Variants in PER2 observed in about 807,000 individuals in gnomAD.
PER2 encodes period circadian regulator 2, also known as period circadian protein homolog 2.
PER2 carries 66 observed loss-of-function variants against 121.0 expected under a neutral mutation model. That is an observed-to-expected ratio of 0.55 (90% CI 0.45 to 0.67). The LOEUF (loss-of-function observed/expected upper bound fraction) is 0.67, where lower values mean the gene tolerates loss of function less well. PER2 is among the 30% of genes least tolerant of loss of function. PER2 has a pLI of 0.00. For synonymous variants in PER2, 684 were observed against 659.9 expected (o/e 1.04, Z -0.56); for missense variants, 1,521 against 1,635.0 (o/e 0.93, Z 1.20).
At chr2:238,264,984 G>A (rs1696049342) in intron 9 of PER2, among the ~76,000 whole-genome samples, 1 of 152,188 alleles carries the variant, frequency 6.6e-6, no homozygotes, top group Non-Finnish European at 1.5e-5. Flanking sequence ...GGAGGAGCTG[G>A]GAGAAGATGC....
intron 17 of PER2, among the ~76,000 whole-genome samples, chr2:238,256,293 C>T (rs1481818452): frequency 6.6e-6 from 1 of 152,188 alleles, no homozygotes; most frequent in East Asian, 1.9e-4. Context: ...AGATGGGACC[C>T]TATGGGCCCA....
upstream of PER2, among the ~76,000 whole-genome samples, chr2:238,291,401 C>T (rs1696948011): frequency 6.6e-6 from 1 of 152,244 alleles, no homozygotes; most frequent in African/African-American, 2.4e-5. Flanking sequence ...CACTCATGCA[C>T]CCAGCCAATT....
chr2:238,283,574 C>A (rs1171942826), intron 1 of PER2, among the ~76,000 whole-genome samples: 1 of 152,204 alleles, frequency 6.6e-6, no homozygotes, highest in Non-Finnish European at 1.5e-5. Flanking sequence ...TGGAGCAGAG[C>A]GGGCAGCGGT....
chr2:238,264,359 C>T (rs965721514), intron 9 of PER2, among the ~76,000 whole-genome samples: 2 of 152,238 alleles, frequency 1.3e-5, no homozygotes, highest in Non-Finnish European at 2.9e-5. Flanking sequence ...GGCAGCCCCG[C>T]GGACACACCT....
At chr2:238,296,657 G>T in the PER2 span, among the ~76,000 whole-genome samples, 1 of 138,550 alleles carries the variant, frequency 7.2e-6, no homozygotes, top group Admixed American at 7.4e-5. Flanking sequence ...CCCTCCTGCT[G>T]CAGAGTCAGT....
At chr2:238,254,654 A>G (rs1262415406) in intron 18 of PER2, 1 of 152,356 alleles carries the variant, frequency 6.6e-6, no homozygotes, top group East Asian at 1.9e-4. Flanking sequence ...TAGTCTGTGC[A>G]CTGCATAAGG....
rs1236010880 is a variant in PER2, at chr2:238,252,780, T to G, written c.3111+132A>C. On this transcript the variant is annotated intron_variant, in intron 19 of 22. Transcript: ENST00000254657. This position sits in a 1 kb window ranked among gnomAD's most constrained non-coding sequence, Gnocchi z 4.2. ...CATGAATTTCTGGCACACACATTCA[T>G]GGCAAAACCTACAGGGTTTGGTGGA... The G allele has an allele frequency of 1.4e-5, 12 of 829,120 alleles. No homozygotes were observed. The highest frequency in any genetic ancestry group is 2.5e-5 in the Non-Finnish European group (12 of 478,342). 51.4% of individuals were successfully genotyped at this position (829,120 alleles called of 1,614,324 possible).
At chr2:238,283,128 C>T (rs546933006) in intron 1 of PER2, among the ~76,000 whole-genome samples, 3 of 152,334 alleles carry the variant, frequency 2.0e-5, no homozygotes, top group East Asian at 1.9e-4. Context: ...AGGGAGAGCT[C>T]GCTTGCTGGA....
rs376964493 is a variant in PER2, at chr2:238,253,279, G to A, written c.2744C>T (p.Ser915Leu). ...AFMLPSYSFP[S>L]GTPNLPQAFF... is the part of the protein sequence containing the mutation. ...GGCCTGGGGCAGGTTTGGGGTCCCC[G>A]AGGGGAAGGAATAACTGGGTAGCAT... Residue 915 changes from serine (S) to leucine (L), a missense_variant, in exon 19 of 23, where the codon TCG (serine) becomes TTG (leucine). Physicochemically the swap from Ser to Leu is moderately radical, Grantham distance 145. Transcript: ENST00000254657. This position sits in a 1 kb window ranked among gnomAD's most constrained non-coding sequence, Gnocchi z 5.6. The A allele has an allele frequency of 1.8e-5, 29 of 1,611,796 alleles. No individual in the cohort carries two copies. The highest frequency in any genetic ancestry group is 6.6e-5 in the South Asian group (6 of 90,802).
intron 1 of PER2, among the ~76,000 whole-genome samples, chr2:238,286,656 C>T (rs527563052): frequency 1.3e-5 from 2 of 152,312 alleles, no homozygotes; most frequent in Non-Finnish European, 2.9e-5. Context: ...CTCTGCCAAA[C>T]AGAGTAGTTT....
rs1363865655 is a variant in PER2 at position 238,252,629 on chromosome 2, G to C, written c.3111+283C>G. Among the ~76,000 whole-genome samples, 1 of 152,206 alleles carries C rather than the reference G, an allele frequency of 6.6e-6. No individual in the cohort carries two copies. Among genetic ancestry groups the C allele is most frequent in the African/African-American group, 2.4e-5 (1 of 41,442 alleles). ...CTGAAGCGTCATTTAAAAAGTCGAAGCCCACAAATACTGTCAAGTCACATG... is the reference window on the plus strand; with the variant it reads ...CTGAAGCGTCATTTAAAAAGTCGAACCCCACAAATACTGTCAAGTCACATG... On this transcript the variant is annotated intron_variant, in intron 19 of 22. Transcript: ENST00000254657. This position sits in a 1 kb window ranked among gnomAD's most constrained non-coding sequence, Gnocchi z 4.2.
At chr2:238,282,885 G>A (rs558442270) in intron 1 of PER2, among the ~76,000 whole-genome samples, 1 of 152,314 alleles carries the variant, frequency 6.6e-6, no homozygotes, top group Non-Finnish European at 1.5e-5. Flanking sequence ...AGGACCTTGC[G>A]CACGAGCCCT....
intron 4 of PER2, among the ~76,000 whole-genome samples, chr2:238,274,115 A>T (rs1696379083): frequency 6.6e-6 from 1 of 152,248 alleles, no homozygotes; most frequent in Non-Finnish European, 1.5e-5. Flanking sequence ...CACAAGAAAC[A>T]TTTGAAAGAA....
intron 1 of PER2, among the ~76,000 whole-genome samples, chr2:238,281,036 GCT>G (rs1225883690): frequency 7.6e-5 from 11 of 145,470 alleles, no homozygotes; most frequent in African/African-American, 2.8e-4. Flanking sequence ...AGGGAGTCTT[GCT>G]CTGTCACCAG....
upstream of PER2, among the ~76,000 whole-genome samples, chr2:238,291,903 G>C (rs1203697320): frequency 1.3e-5 from 2 of 152,238 alleles, no homozygotes; most frequent in Non-Finnish European, 2.9e-5. Context: ...TATAAAGAAA[G>C]TATCTTCCAG....
At chr2:238,257,165 C>A (rs60242091) in intron 16 of PER2, 79 bp from the exon 17 acceptor site, 87,729 of 1,345,476 alleles carry the variant, frequency 0.065, 3,408 homozygotes, top group Admixed American at 0.15. Flanking sequence ...CACCCAAGTG[C>A]CCATACAGCT....
At position 238,279,760 on chromosome 2, in the gene PER2, C is replaced by T. The variant is rs560844763; in HGVS notation, c.-19-1805G>A. ...AATGACCAAGGATCATACAATTGGT[C>T]GGGGGGAGGGATCATTTTCAGCAGC... is the stretch of plus-strand genomic sequence containing the variant. On this transcript the variant is annotated intron_variant, in intron 1 of 22. Transcript: ENST00000254657. Among the ~76,000 whole-genome samples, 22 of 152,302 alleles carry T rather than the reference C, an allele frequency of 1.4e-4. No individual in the cohort carries two copies. The South Asian group carries it at 3.5e-3, about 24-fold the overall frequency.
intron 9 of PER2, among the ~76,000 whole-genome samples, chr2:238,264,751 T>C (rs961581792): frequency 1.3e-5 from 2 of 152,124 alleles, no homozygotes; most frequent in African/African-American, 4.8e-5. Context: ...AGCCTCTGAG[T>C]AGCTGGGACT....
chr2:238,277,795 A>G lies in PER2; in HGVS notation c.142T>C (p.Ser48Pro), dbSNP rs1275003968. The change falls in exon 2 of 23, where the codon TCC (serine) becomes CCC (proline). Residue 48 changes from serine to proline, a missense_variant. Physicochemically the swap from Ser to Pro is moderately conservative, Grantham distance 74. Transcript: ENST00000254657. Reference protein sequence around the residue: ...SSGHETNENCSTGRDSQGSDC... With the variant: ...SSGHETNENCPTGRDSQGSDC... ...CTGCCCTGCGAGTCCCGCCCCGTGG[A>G]GCAGTTTTCGTTGGTCTCATGTCCA... The G allele has an allele frequency of 6.2e-7, 1 of 1,613,994 alleles. No individual in the cohort carries two copies. The highest frequency in any genetic ancestry group is 8.5e-7 in the Non-Finnish European group (1 of 1,180,012).
Sources: gnomAD v4.1 joint callset for allele counts (sites outside exome capture counted in the v4.1 genomes callset) on GRCh38, gnomAD v4.1.1 for gene constraint, Gnocchi (gnomAD v3.1) non-coding constraint, MANE v1.5 for transcripts, NCBI Gene and HGNC (gene_info 2026-07-23, HGNC 2026-07-21) for gene names.